USP3: variants seen among roughly 807,000 people sequenced by gnomAD.
The protein encoded by USP3 is ubiquitin carboxyl-terminal hydrolase 3.
USP3 carries 20 observed loss-of-function variants against 72.3 expected under a neutral mutation model. The observed-to-expected ratio is 0.28, with a 90% CI of 0.19 to 0.40. The LOEUF is 0.40. Among genes scored for constraint, USP3 ranks in the 10% least tolerant of loss-of-function variants. USP3 has a pLI of 1.00. For synonymous variants in USP3, 222 were observed against 225.3 expected, an observed-to-expected ratio of 0.99 and a Z score of 0.13; for missense variants, 479 against 633.9, an observed-to-expected ratio of 0.76 and a Z score of 2.62.
At chr15:63,547,933 G>A (rs989844716) in intron 3 of USP3, among the ~76,000 whole-genome samples, 1 of 139,086 alleles carries the variant, frequency 7.2e-6, no homozygotes, top group African/African-American at 2.7e-5. Flanking sequence ...ATGCCTGTAA[G>A]CCCAGCACTT....
intron 9 of USP3, among the ~76,000 whole-genome samples, chr15:63,572,753 G>A (rs1281206703): frequency 5.3e-5 from 8 of 152,180 alleles, no homozygotes; most frequent in South Asian, 2.1e-4. Flanking sequence ...AAAAAAGAGC[G>A]TGTATTGGCT....
chr15:63,537,562 A>C (rs2066176191), intron 3 of USP3, among the ~76,000 whole-genome samples: 1 of 152,114 alleles, frequency 6.6e-6, no homozygotes, highest in African/African-American at 2.4e-5. Context: ...AATCTTAAAA[A>C]TTTTAACTGC....
Position 63,544,941 on chromosome 15 carries a change from C to T in USP3, c.284+7785C>T, listed in dbSNP as rs2066298339. ...TCAGGGAAAAGGGAAAAAGATGTACCAAAGGAAATAACCAAAGTATAGAAA... is the reference window on the plus strand; with the variant it reads ...TCAGGGAAAAGGGAAAAAGATGTACTAAAGGAAATAACCAAAGTATAGAAA... On this transcript the variant is annotated intron_variant, in intron 3 of 14. Transcript: ENST00000380324. This position sits in a 1 kb window ranked among gnomAD's most constrained non-coding sequence, Gnocchi z 4.2. 6.6e-6 allele frequency among the ~76,000 whole-genome samples: 1 copy of T among 151,784 alleles called. No homozygotes were observed. Among genetic ancestry groups the T allele is most frequent in the Non-Finnish European group, 1.5e-5 (1 of 67,942 alleles).
At position 63,576,973 on chromosome 15, in the gene USP3, G is replaced by A. The variant is rs146993121; in HGVS notation, c.1096+2570G>A. ...CTAGTATGTCTTCTACGTGCTTTGA[G>A]TCCACCTGGCAAGAACTACTTGTGT... On this transcript the variant is annotated intron_variant, in intron 11 of 14. Transcript: ENST00000380324. 6.7e-3 allele frequency among the ~76,000 whole-genome samples: 1,019 copies of A among 152,202 alleles called. 17 individuals carry two copies. Among genetic ancestry groups the A allele is most frequent in the Non-Finnish European group, 5.8e-3 (394 of 68,008 alleles).
intron 8 of USP3, among the ~76,000 whole-genome samples, chr15:63,569,115 A>C (rs1244232240): frequency 6.6e-6 from 1 of 152,154 alleles, no homozygotes; most frequent in African/African-American, 2.4e-5. Flanking sequence ...GAGAGAATGA[A>C]ATTTTTTTGT....
chr15:63,530,797 C>T (rs1381927817), intron 1 of USP3, among the ~76,000 whole-genome samples: 1 of 152,116 alleles, frequency 6.6e-6, no homozygotes, highest in East Asian at 1.9e-4. Flanking sequence ...GTAAAAACAT[C>T]ATATTCTCAT....
chr15:63,576,677 C>G (rs1363912227), intron 11 of USP3, among the ~76,000 whole-genome samples: 1 of 152,190 alleles, frequency 6.6e-6, no homozygotes, highest in Non-Finnish European at 1.5e-5. Context: ...TCAGGGGGCC[C>G]AGACCATCCC....
chr15:63,555,445 A>G (rs977599519), intron 4 of USP3, among the ~76,000 whole-genome samples: 2 of 152,218 alleles, frequency 1.3e-5, no homozygotes, highest in African/African-American at 4.8e-5. Flanking sequence ...AGTGCAACTG[A>G]GACACTGAAT....
In USP3 at chr15:63,522,356, G is replaced by T. The variant is rs570336018; in HGVS notation, c.92-10291G>T. On this transcript the variant is annotated intron_variant, in intron 1 of 14. Coordinates refer to ENST00000380324, the MANE Select transcript of USP3 (RefSeq NM_006537.4). ...AATAAATGATCCCCTCAGCCTAGAGGTGGCTGTGCTCCCAGACAAATCATT... is the reference window on the plus strand; with the variant it reads ...AATAAATGATCCCCTCAGCCTAGAGTTGGCTGTGCTCCCAGACAAATCATT... Among the ~76,000 whole-genome samples the T allele has an allele frequency of 2.8e-3, 429 of 152,344 alleles. 6 individuals carry two copies. The highest frequency in any genetic ancestry group is 0.02 in the Middle Eastern group (6 of 294).
intron 1 of USP3, among the ~76,000 whole-genome samples, chr15:63,521,698 G>T (rs1259604773): frequency 6.6e-6 from 1 of 152,192 alleles, no homozygotes; most frequent in Non-Finnish European, 1.5e-5. Flanking sequence ...GCTCAGACCA[G>T]CTGTTTCGGA....
At chr15:63,511,705 T>G (rs1054581446) in intron 1 of USP3, among the ~76,000 whole-genome samples, 1 of 152,172 alleles carries the variant, frequency 6.6e-6, no homozygotes, top group Non-Finnish European at 1.5e-5. Flanking sequence ...CCCCCCTTAT[T>G]TTTTCATTTT....
At chr15:63,506,433 C>G (rs867910676) in intron 1 of USP3, among the ~76,000 whole-genome samples, 62 of 151,956 alleles carry the variant, frequency 4.1e-4, no homozygotes, top group African/African-American at 1.5e-3. Flanking sequence ...GGTGGGATTG[C>G]TCTTGCTCAT....
Position 63,504,696 on chromosome 15 carries a change from CGG to C in USP3, c.-42_-41del, listed in dbSNP as rs752463277. On this transcript the variant is annotated 5_prime_UTR_variant, in exon 1 of 15. Coordinates refer to ENST00000380324, the MANE Select transcript of USP3 (RefSeq NM_006537.4). The stretch of plus-strand genomic sequence containing the variant: ...CGGAGTTCCTCCGCCCCCACCTCGC[CGG>C]GTCCTGGAGCCGCAGTCCTCCCAGC... The C allele has an allele frequency of 3.3e-6, 5 of 1,521,766 alleles. No individual in the cohort carries two copies. In the Middle Eastern group the frequency reaches 7.3e-4, roughly 223 times the overall value. The allele number at this position is 1,521,766 out of a possible 1,614,324, so 94.3% of individuals were successfully genotyped here. A position where few individuals can be genotyped will look rare whatever the true frequency, so the allele number is the denominator to read the frequency against.
Position 63,504,641 on chromosome 15 carries a change from C to G in USP3, c.-99C>G. 9.2e-7 allele frequency: 1 copy of G among 1,081,592 alleles called. No homozygotes were observed. The highest frequency in any genetic ancestry group is 1.3e-6 in the Non-Finnish European group (1 of 794,318). The allele number at this position is 1,081,592 out of a possible 1,614,324, so 67.0% of individuals were successfully genotyped here. On this transcript the variant is annotated 5_prime_UTR_variant, in exon 1 of 15. Transcript: ENST00000380324. Reference sequence around the variant, plus strand: ...GACGCAGCCGCCGTCGGCCGAGCGCCCGGCTAGAAGCGACACCAGACGGAG... The same window carrying G: ...GACGCAGCCGCCGTCGGCCGAGCGCGCGGCTAGAAGCGACACCAGACGGAG...
At position 63,529,081 on chromosome 15, in the gene USP3, C is replaced by T; in HGVS notation, c.92-3566C>T. ...GAGTACTGTATGTTGCCCAGGCTGG[C>T]CTCGAACTCTAGGCTCAAGTGATTC... On this transcript the variant is annotated intron_variant, in intron 1 of 14. Transcript: ENST00000380324. The surrounding 1 kb of genome is among the most constrained non-coding windows in gnomAD (Gnocchi z 4.2). 7.8e-7 allele frequency: 1 copy of T among 1,284,948 alleles called. No individual in the cohort carries two copies. Among genetic ancestry groups the T allele is most frequent in the Non-Finnish European group, 1.0e-6 (1 of 984,920 alleles). The allele number at this position is 1,284,948 out of a possible 1,614,324, so 79.6% of individuals were successfully genotyped here.
intron 1 of USP3, among the ~76,000 whole-genome samples, chr15:63,514,310 G>A (rs1404343950): frequency 3.3e-5 from 5 of 151,420 alleles, no homozygotes; most frequent in South Asian, 2.1e-4. Context: ...AAATTCTATC[G>A]ATTGTAAAAA....
At chr15:63,532,861 G>C (rs1378676743) in intron 2 of USP3, among the ~76,000 whole-genome samples, 154 bp downstream of exon 2, 2 of 152,078 alleles carry the variant, frequency 1.3e-5, no homozygotes, top group African/African-American at 4.8e-5. Context: ...GAATCCCTTT[G>C]TTCTGTGATA....
chr15:63,514,101 A>C (rs920621681), intron 1 of USP3, among the ~76,000 whole-genome samples: 2 of 152,248 alleles, frequency 1.3e-5, no homozygotes, highest in African/African-American at 4.8e-5. Flanking sequence ...AAGTGTATGA[A>C]GTAGCTGCCA....
Position 63,580,478 on chromosome 15 carries a change from A to G in USP3, c.1096+6075A>G, listed in dbSNP as rs115143066. The stretch of plus-strand genomic sequence containing the variant: ...TACTGCTTTGCTAAATTAAATTTAT[A>G]TAGTATATAAAGTTGACCTAATAAC... On this transcript the variant is annotated intron_variant, in intron 11 of 14. Coordinates refer to ENST00000380324, the MANE Select transcript of USP3 (RefSeq NM_006537.4). Among the ~76,000 whole-genome samples the G allele has an allele frequency of 5.3e-3, 803 of 151,738 alleles. 10 individuals carry two copies. Among genetic ancestry groups the G allele is most frequent in the African/African-American group, 0.019 (767 of 41,394 alleles).
Sources: allele counts gnomAD v4.1 joint callset (sites outside exome capture counted in the v4.1 genomes callset), GRCh38; gene constraint gnomAD v4.1.1; non-coding constraint Gnocchi (gnomAD v3.1); transcripts MANE v1.5; gene names NCBI Gene and HGNC (gene_info 2026-07-23, HGNC 2026-07-21).